TBL1XR1: variants seen among roughly 807,000 people sequenced by gnomAD.
TBL1XR1 encodes TBL1X/Y related 1, also known as F-box-like/WD repeat-containing protein TBL1XR1.
A neutral mutation model predicts 66.9 loss-of-function variants in TBL1XR1; 5 were observed. The ratio of observed to expected loss-of-function variants is 0.07; its 90% CI spans 0.04 to 0.16. The LOEUF is 0.16. Ranked by LOEUF, TBL1XR1 falls within the 10% of genes least tolerant of loss-of-function variation. TBL1XR1 has a pLI of 1.00. For missense variants in TBL1XR1, 238 were observed against 623.2 expected (o/e 0.38, Z 6.58); for synonymous variants, 210 against 206.0 (o/e 1.02, Z -0.17).
chr3:177,171,702 C>CAAA (rs34278942), intron 1 of TBL1XR1, among the ~76,000 whole-genome samples: 1,960 of 46,934 alleles, frequency 0.042, 252 homozygotes, highest in African/African-American at 0.096. Context: ...GACTCCGTCT[C>CAAA]AAAAAAAAAA....
intron 1 of TBL1XR1, among the ~76,000 whole-genome samples, chr3:177,148,824 G>A (rs933366515): frequency 6.6e-6 from 1 of 152,118 alleles, no homozygotes; most frequent in Non-Finnish European, 1.5e-5. Flanking sequence ...GGCAAACATG[G>A]AGAAACCCTG....
chr3:177,142,076 G>A (rs1432262782), intron 1 of TBL1XR1, among the ~76,000 whole-genome samples: 1 of 152,152 alleles, frequency 6.6e-6, no homozygotes, highest in African/African-American at 2.4e-5. Context: ...GTTGCTTAAT[G>A]GGCACAGAGT....
chr3:177,115,878 C>T (rs760539965), intron 1 of TBL1XR1, among the ~76,000 whole-genome samples: 7 of 152,200 alleles, frequency 4.6e-5, no homozygotes, highest in East Asian at 3.9e-4. Flanking sequence ...TAAATACTTG[C>T]TTTCCTAACC....
chr3:177,087,179 T>C (rs551447376), intron 2 of TBL1XR1: 1 of 150,296 alleles, frequency 6.7e-6, no homozygotes, highest in East Asian at 2.0e-4. Context: ...AAGGGTCAAC[T>C]ATACTAACCC....
In TBL1XR1 at chr3:177,119,663, T is replaced by C. The variant is rs1234816120; in HGVS notation, c.-121-21122A>G. The stretch of plus-strand genomic sequence containing the variant: ...ATCCCAGTCTAGGCAACAACACCAA[T>C]TACCAATTTTGCAGATTATTTTAGA... On this transcript the variant is annotated intron_variant, in intron 1 of 15. Coordinates refer to ENST00000457928, the MANE Select transcript of TBL1XR1 (RefSeq NM_024665.7). Among the ~76,000 whole-genome samples, 5 of 152,216 alleles carry C rather than the reference T, an allele frequency of 3.3e-5. No homozygotes were observed. In the East Asian group the frequency reaches 7.7e-4, roughly 23 times the overall value.
intron 3 of TBL1XR1, among the ~76,000 whole-genome samples, chr3:177,064,276 T>G (rs980727259): frequency 3.9e-5 from 6 of 152,166 alleles, no homozygotes; most frequent in Non-Finnish European, 7.4e-5. Flanking sequence ...CTCACCATCC[T>G]ATACCTCCAC....
chr3:177,176,488 G>A (rs1460357080), intron 1 of TBL1XR1, among the ~76,000 whole-genome samples: 7 of 150,898 alleles, frequency 4.6e-5, no homozygotes, highest in Admixed American at 4.6e-4. Context: ...TGAGCCACTG[G>A]TTAATTTTCT....
chr3:177,047,958 T>C (rs1161516667), intron 7 of TBL1XR1: 1 of 170,756 alleles, frequency 5.9e-6, no homozygotes, highest in Non-Finnish European at 1.3e-5. Flanking sequence ...ATTAGAAGGT[T>C]TTATATGGCC....
intron 1 of TBL1XR1, among the ~76,000 whole-genome samples, chr3:177,150,317 A>T (rs1223797782): frequency 6.6e-6 from 1 of 152,216 alleles, no homozygotes. Context: ...GTGTCAAAGA[A>T]GTTGATATTT....
intron 1 of TBL1XR1, among the ~76,000 whole-genome samples, chr3:177,132,411 C>T (rs1728414355): frequency 6.6e-6 from 1 of 152,160 alleles, no homozygotes; most frequent in Non-Finnish European, 1.5e-5. Context: ...GATGTGCAAC[C>T]TAACTTGAAA....
chr3:177,076,159 C>T (rs529873573), intron 2 of TBL1XR1, among the ~76,000 whole-genome samples: 2 of 152,298 alleles, frequency 1.3e-5, no homozygotes, highest in Admixed American at 1.3e-4. Flanking sequence ...TTCCCTTCAA[C>T]TTCTTTTATA....
rs574798729 is a variant in TBL1XR1, at chr3:177,157,162, T to C, written c.-122+39959A>G. Among the ~76,000 whole-genome samples the C allele has an allele frequency of 1.7e-4, 26 of 152,262 alleles. No individual in the cohort carries two copies. The South Asian group carries it at 3.9e-3, about 23-fold the overall frequency. On this transcript the variant is annotated intron_variant, in intron 1 of 15. Coordinates refer to ENST00000457928, the MANE Select transcript of TBL1XR1 (RefSeq NM_024665.7). The stretch of plus-strand genomic sequence containing the variant: ...AGGTCAAAGCTGGAGTGAGCTGTGA[T>C]TGTGTCACTGTACTCCAGCCTAAGT...
chr3:177,164,136 C>CA (rs1732544569), intron 1 of TBL1XR1: 1 of 152,180 alleles, frequency 6.6e-6, no homozygotes, highest in Admixed American at 6.5e-5. Flanking sequence ...CGTAAAACAA[C>CA]TAACATAACA....
intron 1 of TBL1XR1, among the ~76,000 whole-genome samples, chr3:177,162,882 A>G (rs149707313): frequency 1.6e-3 from 244 of 152,354 alleles, no homozygotes; most frequent in Non-Finnish European, 2.0e-3. Flanking sequence ...GCAGATTATC[A>G]AAGAGCAAAA....
At chr3:177,171,115 C>T (rs1733435303) in intron 1 of TBL1XR1, among the ~76,000 whole-genome samples, 2 of 150,046 alleles carry the variant, frequency 1.3e-5, no homozygotes, top group Non-Finnish European at 3.0e-5. Context: ...CCGAGGCGAG[C>T]GGATCACCTG....
At chr3:177,059,544 G>A (rs1216987716) in intron 3 of TBL1XR1, among the ~76,000 whole-genome samples, 1 of 152,024 alleles carries the variant, frequency 6.6e-6, no homozygotes, top group Non-Finnish European at 1.5e-5. Flanking sequence ...AAAACAAATG[G>A]TATGGTACAA....
intron 2 of TBL1XR1, among the ~76,000 whole-genome samples, chr3:177,087,943 T>C (rs1373876679): frequency 9.9e-5 from 15 of 152,082 alleles, no homozygotes; most frequent in Admixed American, 9.2e-4. Flanking sequence ...AGCCAGATAA[T>C]ATTCAGTGAT....
At chr3:177,030,705 A>C (rs1002148196) in intron 14 of TBL1XR1, among the ~76,000 whole-genome samples, 5 of 152,238 alleles carry the variant, frequency 3.3e-5, no homozygotes, top group Non-Finnish European at 7.3e-5. Flanking sequence ...GAAATGTATA[A>C]TTATTAAAAG....
chr3:177,176,300 G>T (rs1297487452), intron 1 of TBL1XR1, among the ~76,000 whole-genome samples: 7 of 150,974 alleles, frequency 4.6e-5, no homozygotes, highest in Non-Finnish European at 8.9e-5. Flanking sequence ...GGGCTCAAGC[G>T]ATTCTCCTGC....
Sources: allele counts gnomAD v4.1 joint callset (sites outside exome capture counted in the v4.1 genomes callset), GRCh38; gene constraint gnomAD v4.1.1; transcripts MANE v1.5; gene names NCBI Gene and HGNC (gene_info 2026-07-23, HGNC 2026-07-21).